The following SLC4A10 variants were observed in gnomAD, a reference collection of about 807,000 sequenced individuals.
The protein encoded by SLC4A10 is sodium-driven chloride bicarbonate exchanger.
Under a neutral mutation model 137.7 loss-of-function variants are expected in SLC4A10, and 42 were observed. The observed-to-expected ratio is 0.30, with a 90% CI of 0.24 to 0.39. SLC4A10 has a LOEUF of 0.39. SLC4A10 is among the 10% of genes least tolerant of loss of function. The probability of loss-of-function intolerance (pLI) is 1.00; values close to 1 mark genes in which losing one functional copy is unlikely to be tolerated. For missense variants in SLC4A10, 925 were observed against 1,355.0 expected, an observed-to-expected ratio of 0.68 and a Z score of 4.98; for synonymous variants, 474 against 464.1, an observed-to-expected ratio of 1.02 and a Z score of -0.27.
At chr2:161,695,636 A>G (rs1478598902) in intron 1 of SLC4A10, among the ~76,000 whole-genome samples, 1 of 152,156 alleles carries the variant, frequency 6.6e-6, no homozygotes, top group African/African-American at 2.4e-5. Flanking sequence ...TTCTGTTGTT[A>G]TAATGATCGT....
chr2:161,902,204 A>G (rs1280710353), intron 12 of SLC4A10: 1 of 413,834 alleles, frequency 2.4e-6, no homozygotes, highest in Non-Finnish European at 4.8e-6. Context: ...TTTTACTGCT[A>G]AAAGCACATT....
chr2:161,805,901 G>A (rs1438882293), intron 3 of SLC4A10, among the ~76,000 whole-genome samples: 2 of 152,190 alleles, frequency 1.3e-5, no homozygotes, highest in Admixed American at 1.3e-4. Context: ...GGGACTCTGT[G>A]GGGGCTGTAA....
intron 3 of SLC4A10, among the ~76,000 whole-genome samples, chr2:161,828,989 A>T (rs2058239881): frequency 6.6e-6 from 1 of 151,124 alleles, no homozygotes; most frequent in Admixed American, 6.6e-5. Context: ...TTCTAAATCC[A>T]TTGCCTAAAC....
intron 3 of SLC4A10, among the ~76,000 whole-genome samples, chr2:161,817,050 G>A (rs1295594496): frequency 9.2e-5 from 14 of 152,214 alleles, no homozygotes; most frequent in South Asian, 2.1e-4. Flanking sequence ...CTGAGGAATC[G>A]CCACACTGAC....
intron 7 of SLC4A10, 45 bp downstream of exon 7, chr2:161,872,429 C>T: frequency 7.2e-7 from 1 of 1,385,440 alleles, no homozygotes; most frequent in Non-Finnish European, 1.0e-6. Context: ...TAAATTACTA[C>T]TAGAAATTAC....
chr2:161,940,894 AG>A (rs1228307574), intron 15 of SLC4A10, among the ~76,000 whole-genome samples: 1 of 152,140 alleles, frequency 6.6e-6, no homozygotes, highest in East Asian at 1.9e-4. Context: ...ACTTGAGCGC[AG>A]GAGTTTGAGA....
chr2:161,787,056 AT>A (rs769578982), intron 2 of SLC4A10, among the ~76,000 whole-genome samples: 1 of 151,970 alleles, frequency 6.6e-6, no homozygotes, highest in Non-Finnish European at 1.5e-5. Flanking sequence ...GACAAAGAGT[AT>A]TGTCCTTTTT....
chr2:161,858,178 T>A (rs984970152), intron 5 of SLC4A10, among the ~76,000 whole-genome samples: 3 of 152,182 alleles, frequency 2.0e-5, no homozygotes, highest in Admixed American at 6.5e-5. Context: ...GTGTAAGAGC[T>A]TACCTTTAAG....
At chr2:161,731,088 A>C (rs1177300979) in intron 1 of SLC4A10, among the ~76,000 whole-genome samples, 1 of 152,164 alleles carries the variant, frequency 6.6e-6, no homozygotes, top group Non-Finnish European at 1.5e-5. Flanking sequence ...TCAGTGAAAG[A>C]AAAAGTATTG....
At chr2:161,718,369 A>C (rs2045201094) in intron 1 of SLC4A10, among the ~76,000 whole-genome samples, 1 of 151,546 alleles carries the variant, frequency 6.6e-6, no homozygotes, top group African/African-American at 2.4e-5. Flanking sequence ...GTTCTCTGTA[A>C]ATAGTTCTTT....
chr2:161,804,093 G>A (rs903279808), intron 2 of SLC4A10, among the ~76,000 whole-genome samples: 8 of 152,086 alleles, frequency 5.3e-5, no homozygotes, highest in African/African-American at 1.9e-4. Context: ...GAAGGGAAGG[G>A]ATTTGATGAG....
chr2:161,805,714 G>A (rs932190800), intron 3 of SLC4A10, among the ~76,000 whole-genome samples: 1 of 152,214 alleles, frequency 6.6e-6, no homozygotes, highest in Non-Finnish European at 1.5e-5. Context: ...GTCTTGGGCA[G>A]CTCTGCCCTC....
At chr2:161,834,366 G>A (rs1349896671) in intron 3 of SLC4A10, among the ~76,000 whole-genome samples, 1 of 151,858 alleles carries the variant, frequency 6.6e-6, no homozygotes, top group African/African-American at 2.4e-5. Context: ...AAAAGATTTG[G>A]GTATGATAGA....
chr2:161,681,870 CT>C (rs925311321), intron 1 of SLC4A10, among the ~76,000 whole-genome samples: 32 of 152,038 alleles, frequency 2.1e-4, no homozygotes, highest in African/African-American at 7.5e-4. Context: ...CAGTTTCATG[CT>C]GTTTGTTTTT....
intron 8 of SLC4A10, among the ~76,000 whole-genome samples, chr2:161,878,716 A>G (rs1370102622): frequency 2.0e-5 from 3 of 152,164 alleles, no homozygotes; most frequent in Non-Finnish European, 4.4e-5. Flanking sequence ...CTTTTGACAT[A>G]AGCATATTTG....
intron 15 of SLC4A10, among the ~76,000 whole-genome samples, chr2:161,922,495 C>A (rs1688313887): frequency 6.6e-6 from 1 of 151,684 alleles, no homozygotes; most frequent in Non-Finnish European, 1.5e-5. Context: ...ATTAATAATC[C>A]AAGAATAAGT....
At chr2:161,881,981 A>G (rs993629658) in intron 9 of SLC4A10, among the ~76,000 whole-genome samples, 3 of 151,966 alleles carry the variant, frequency 2.0e-5, no homozygotes, top group African/African-American at 7.2e-5. Context: ...CATTTTGCAT[A>G]CAAGTGAGTT....
At chr2:161,799,279 G>T (rs1004917179) in intron 2 of SLC4A10, among the ~76,000 whole-genome samples, 3 of 151,602 alleles carry the variant, frequency 2.0e-5, no homozygotes, top group African/African-American at 7.3e-5. Flanking sequence ...ATCAGATTAG[G>T]ATTAATAATT....
At chr2:161,905,522 A>T in intron 14 of SLC4A10, 120 bp from the exon 15 acceptor site, 1 of 1,363,546 alleles carries the variant, frequency 7.3e-7, no homozygotes, top group South Asian at 1.4e-5. Context: ...TTAGATACTC[A>T]TGGGATGTGA....
Sources: allele counts gnomAD v4.1 joint callset (sites outside exome capture counted in the v4.1 genomes callset), GRCh38; gene constraint gnomAD v4.1.1; transcripts MANE v1.5; gene names NCBI Gene and HGNC (gene_info 2026-07-23, HGNC 2026-07-21).